Variants in ASB15 observed in about 807,000 individuals in gnomAD.
ASB15 encodes the protein ankyrin repeat and SOCS box containing 15.
A neutral mutation model predicts 58.0 loss-of-function variants in ASB15; 54 were observed. The observed-to-expected ratio is 0.93, with a 90% confidence interval of 0.75 to 1.17. The LOEUF is 1.17. Among genes scored for constraint, ASB15 ranks in the 50% most tolerant of loss-of-function variants. The pLI is 0.00. For missense variants in ASB15, 680 were observed against 707.4 expected (o/e 0.96, Z 0.44); for synonymous variants, 249 against 262.4 (o/e 0.95, Z 0.50).
At chr7:123,600,336 T>G (rs550627236), upstream of ASB15, among the ~76,000 whole-genome samples, 1 of 152,336 alleles carries the variant, frequency 6.6e-6, no homozygotes, top group African/African-American at 2.4e-5. Context: ...TATAGGTAGA[T>G]CTATAACAAC....
intron 1 of ASB15, among the ~76,000 whole-genome samples, chr7:123,572,655 C>A (rs1312099073): frequency 1.3e-5 from 2 of 150,544 alleles, no homozygotes; most frequent in Middle Eastern, 3.2e-3. Context: ...TATTATTACC[C>A]CACGGTTTTT....
chr7:123,587,657 A>G (rs118004224), intron 1 of ASB15, among the ~76,000 whole-genome samples: 3,284 of 151,678 alleles, frequency 0.022, 48 homozygotes, highest in Non-Finnish European at 0.034. Context: ...TTTCACCTGT[A>G]TGTTCACTGT....
intron 1 of ASB15, among the ~76,000 whole-genome samples, chr7:123,577,844 G>A (rs117645359): frequency 2.0e-5 from 3 of 152,064 alleles, no homozygotes; most frequent in Non-Finnish European, 4.4e-5. Flanking sequence ...CTTTGTTTAT[G>A]AGTGTTCCTT....
intron 7 of ASB15, among the ~76,000 whole-genome samples, chr7:123,623,898 G>T (rs2116603171): frequency 1.6e-5 from 1 of 62,932 alleles, no homozygotes; most frequent in African/African-American, 6.8e-5. Flanking sequence ...AAGAAAGAAA[G>T]AATGGAAGGA....
upstream of ASB15, chr7:123,601,777 CAA>C (rs1207990387): frequency 6.6e-6 from 1 of 152,080 alleles, no homozygotes; most frequent in Non-Finnish European, 1.5e-5. Flanking sequence ...TTCAGTTGTA[CAA>C]GGTCAGGTCT....
chr7:123,606,365 A>G (rs901247003), intron 2 of ASB15, among the ~76,000 whole-genome samples: 1 of 152,150 alleles, frequency 6.6e-6, no homozygotes, highest in South Asian at 2.1e-4. Flanking sequence ...CGAGGTCACC[A>G]AGGTTCCTGG....
intron 7 of ASB15, among the ~76,000 whole-genome samples, chr7:123,623,543 C>A (rs1182855891): frequency 6.6e-6 from 1 of 152,020 alleles, no homozygotes; most frequent in African/African-American, 2.4e-5. Flanking sequence ...AGATTCTAAA[C>A]AATCTAATTG....
intron 8 of ASB15, among the ~76,000 whole-genome samples, chr7:123,626,659 A>G (rs114031933): frequency 6.6e-6 from 1 of 152,256 alleles, no homozygotes; most frequent in African/African-American, 2.4e-5. Context: ...AGTATAGAAA[A>G]CATGGAGGCC....
At chr7:123,568,787 A>G (rs1798828950) in intron 1 of ASB15, among the ~76,000 whole-genome samples, 1 of 152,200 alleles carries the variant, frequency 6.6e-6, no homozygotes, top group Admixed American at 6.5e-5. Context: ...CAAAATGGTA[A>G]CAAAACAGTA....
At chr7:123,610,491 A>C (rs1457688509) in intron 3 of ASB15, among the ~76,000 whole-genome samples, 1 of 152,228 alleles carries the variant, frequency 6.6e-6, no homozygotes, top group Non-Finnish European at 1.5e-5. Context: ...CTGTAAAATA[A>C]ACTAAAACTT....
chr7:123,637,014 G>A lies in ASB15; in HGVS notation c.*33G>A. The stretch of plus-strand genomic sequence containing the variant: ...TTTTAAAATGTGATTTAAAAAAAAT[G>A]TTGAAATGTGATTCCCTCAGATAAT... On this transcript the variant is annotated 3_prime_UTR_variant, in exon 12 of 12. Coordinates refer to ENST00000451215, the MANE Select transcript of ASB15 (RefSeq NM_001290258.2). 7.2e-7 allele frequency: 1 copy of A among 1,390,512 alleles called. No homozygotes were observed. Among genetic ancestry groups the A allele is most frequent in the East Asian group, 2.3e-5 (1 of 42,786 alleles). 86.1% of individuals were successfully genotyped at this position (1,390,512 alleles called of 1,614,324 possible).
chr7:123,594,150 T>C (rs1257414491), intron 1 of ASB15, among the ~76,000 whole-genome samples: 1 of 152,128 alleles, frequency 6.6e-6, no homozygotes, highest in Non-Finnish European at 1.5e-5. Context: ...AGCTCTTCTC[T>C]ACACTGCTTA....
intron 1 of ASB15, among the ~76,000 whole-genome samples, chr7:123,582,368 C>A (rs1321496913): frequency 6.6e-6 from 1 of 151,920 alleles, no homozygotes; most frequent in Admixed American, 6.6e-5. Context: ...ACAAATAACA[C>A]CACTACCCTA....
At chr7:123,575,036 C>T (rs1391932132) in intron 1 of ASB15, among the ~76,000 whole-genome samples, 1 of 145,938 alleles carries the variant, frequency 6.9e-6, no homozygotes, top group African/African-American at 2.5e-5. Flanking sequence ...GGCTTACTTG[C>T]ATTTAATATG....
chr7:123,623,626 G>A (rs1173095702), intron 7 of ASB15, among the ~76,000 whole-genome samples: 2 of 152,072 alleles, frequency 1.3e-5, no homozygotes, highest in Non-Finnish European at 2.9e-5. Context: ...AGCACTTTAG[G>A]AGGCCAAGGC....
At chr7:123,613,769 G>T (rs1800613993) in intron 3 of ASB15, among the ~76,000 whole-genome samples, 1 of 152,178 alleles carries the variant, frequency 6.6e-6, no homozygotes, top group Non-Finnish European at 1.5e-5. Context: ...AAGGGACCAG[G>T]CATGGTGGCT....
intron 1 of ASB15, among the ~76,000 whole-genome samples, chr7:123,567,712 G>A (rs2116250386): frequency 6.6e-6 from 1 of 152,144 alleles, no homozygotes; most frequent in Middle Eastern, 3.4e-3. Context: ...AAATGTACAG[G>A]GGACAGGTAA....
At chr7:123,618,171 G>C (rs1800949609) in intron 7 of ASB15, among the ~76,000 whole-genome samples, 1 of 152,180 alleles carries the variant, frequency 6.6e-6, no homozygotes, top group Non-Finnish European at 1.5e-5. Context: ...AGCAGATTCT[G>C]AGCACACAGA....
chr7:123,593,823 C>T (rs1799617310), intron 1 of ASB15, among the ~76,000 whole-genome samples: 1 of 152,118 alleles, frequency 6.6e-6, no homozygotes, highest in Non-Finnish European at 1.5e-5. Flanking sequence ...TGAAAGTTGG[C>T]CTGCCTTGCT....
Sources: allele counts gnomAD v4.1 joint callset (sites outside exome capture counted in the v4.1 genomes callset), GRCh38; gene constraint gnomAD v4.1.1; transcripts MANE v1.5; gene names NCBI Gene and HGNC (gene_info 2026-07-23, HGNC 2026-07-21).